The following C16orf74 variants were observed in gnomAD, a reference collection of about 807,000 sequenced individuals.
The protein encoded by C16orf74 is uncharacterized protein C16orf74.
C16orf74 carries 10 observed loss-of-function variants against 6.5 expected under a neutral mutation model. The observed-to-expected ratio is 1.54, with a 90% CI of 0.95 to 2.61. The LOEUF is 2.61. Among genes scored for constraint, C16orf74 ranks in the 30% most tolerant of loss-of-function variants. C16orf74 has a pLI of 0.00. For missense variants in C16orf74, 141 were observed against 105.9 expected, an observed-to-expected ratio of 1.33 and a Z score of -1.45; for synonymous variants, 60 against 42.5, an observed-to-expected ratio of 1.41 and a Z score of -1.60.
At chr16:85,742,537 C>A (rs961425623) in intron 1 of C16orf74, among the ~76,000 whole-genome samples, 2 of 152,154 alleles carry the variant, frequency 1.3e-5, no homozygotes, top group Admixed American at 1.3e-4. Flanking sequence ...GAACTGTGAG[C>A]CAAATGAAAC....
At position 85,708,084 on chromosome 16, in the gene C16orf74, T is replaced by C. The variant is rs1567800268; in HGVS notation, c.173-18A>G. On this transcript the variant is annotated intron_variant, in intron 3 of 3. Transcript: ENST00000284245. Reference sequence around the variant, plus strand: ...CAGCCAGACTAGGAGAAAGAGGGGATGGACACCTGGATGCACCCTGCCCCC... The same window carrying C: ...CAGCCAGACTAGGAGAAAGAGGGGACGGACACCTGGATGCACCCTGCCCCC... 14 of 1,549,550 alleles carry C rather than the reference T, an allele frequency of 9.0e-6. No individual in the cohort carries two copies. The highest frequency in any genetic ancestry group is 2.0e-5 in the Admixed American group (1 of 51,136).
chr16:85,716,380 A>C (rs2054023908), intron 2 of C16orf74, among the ~76,000 whole-genome samples: 1 of 101,486 alleles, frequency 9.9e-6, no homozygotes, highest in African/African-American at 3.9e-5. Flanking sequence ...GAAGGAGGAG[A>C]GAGGAGAGGA....
chr16:85,734,464 C>T (rs2054222731), intron 2 of C16orf74, among the ~76,000 whole-genome samples: 1 of 152,102 alleles, frequency 6.6e-6, no homozygotes, highest in African/African-American at 2.4e-5. Context: ...GGTAGGTGGC[C>T]CCGGGGCAGG....
intron 1 of C16orf74, among the ~76,000 whole-genome samples, chr16:85,747,567 T>G (rs969106100): frequency 6.6e-6 from 1 of 152,146 alleles, no homozygotes; most frequent in Non-Finnish European, 1.5e-5. Flanking sequence ...TGAAGGTCTC[T>G]TTCTTGACCT....
chr16:85,746,970 G>T (rs539420492), intron 1 of C16orf74, among the ~76,000 whole-genome samples: 165 of 152,262 alleles, frequency 1.1e-3, no homozygotes, highest in African/African-American at 3.8e-3. Flanking sequence ...GTCCTGCGGG[G>T]ACAGTGAGTC....
intron 3 of C16orf74, 69 bp downstream of exon 3, chr16:85,710,095 G>T: frequency 7.7e-7 from 1 of 1,302,316 alleles, no homozygotes. Context: ...CAGGAAGGAC[G>T]CCCCTGAGAG....
chr16:85,708,816 T>G (rs144706972), intron 3 of C16orf74, among the ~76,000 whole-genome samples: 6 of 152,242 alleles, frequency 3.9e-5, no homozygotes, highest in African/African-American at 1.4e-4. Flanking sequence ...GAAGGGTCTA[T>G]GGATTCCCCC....
At chr16:85,723,769 G>A (rs1196996161) in intron 2 of C16orf74, among the ~76,000 whole-genome samples, 3 of 152,232 alleles carry the variant, frequency 2.0e-5, no homozygotes, top group Non-Finnish European at 4.4e-5. Context: ...TGTGGGAAAG[G>A]GTGGGCAGTA....
At chr16:85,748,687 C>T (rs1263226317) in intron 1 of C16orf74, among the ~76,000 whole-genome samples, 2 of 152,150 alleles carry the variant, frequency 1.3e-5, no homozygotes, top group South Asian at 2.1e-4. Context: ...AGGAGTTTGG[C>T]TTGAGAGAGA....
intron 3 of C16orf74, 146 bp from the exon 4 acceptor site, chr16:85,708,212 T>C (rs561811899): frequency 2.4e-4 from 167 of 688,582 alleles, no homozygotes; most frequent in Non-Finnish European, 3.9e-4. Flanking sequence ...AGCCCAGTGA[T>C]GCTGGATCCT....
intron 1 of C16orf74, among the ~76,000 whole-genome samples, chr16:85,739,938 A>G (rs929364855): frequency 2.0e-5 from 3 of 151,702 alleles, no homozygotes; most frequent in Admixed American, 1.3e-4. Flanking sequence ...GGCCGGGCGC[A>G]GTGGCTCATG....
chr16:85,713,138 G>T (rs1039413799), intron 2 of C16orf74, among the ~76,000 whole-genome samples: 4 of 152,180 alleles, frequency 2.6e-5, no homozygotes, highest in African/African-American at 7.2e-5. Context: ...CTGCAAGGGA[G>T]ACTGTTCCAA....
chr16:85,732,429 G>A (rs944459127), intron 2 of C16orf74, among the ~76,000 whole-genome samples: 4 of 152,088 alleles, frequency 2.6e-5, no homozygotes, highest in African/African-American at 9.7e-5. Flanking sequence ...ACTTTGGGAG[G>A]CTGAGGCAGG....
At chr16:85,713,131 C>T (rs1314865595) in intron 2 of C16orf74, among the ~76,000 whole-genome samples, 1 of 152,192 alleles carries the variant, frequency 6.6e-6, no homozygotes, top group Non-Finnish European at 1.5e-5. Flanking sequence ...CTGGAGGCTG[C>T]AAGGGAGACT....
chr16:85,718,798 T>C (rs1406780574), intron 2 of C16orf74, among the ~76,000 whole-genome samples: 1 of 152,232 alleles, frequency 6.6e-6, no homozygotes, highest in Non-Finnish European at 1.5e-5. Flanking sequence ...CATCACGTGA[T>C]TTGAACTGCA....
rs888887669 is a variant in C16orf74, at chr16:85,707,836, T to A, written c.*172A>T. 5 of 607,682 alleles carry A rather than the reference T, an allele frequency of 8.2e-6. No homozygotes were observed. Among genetic ancestry groups the A allele is most frequent in the Admixed American group, 5.8e-5 (2 of 34,768 alleles). The allele number at this position is 607,682 out of a possible 1,614,324, so 37.6% of individuals were successfully genotyped here. ...GGCCTGGGAAACACTGTTCTGGAAG[T>A]GGACAGGCTGGATTCCTCGCTGGTC... On this transcript the variant is annotated 3_prime_UTR_variant, in exon 4 of 4. Coordinates refer to ENST00000284245, the MANE Select transcript of C16orf74 (RefSeq NM_206967.3).
chr16:85,723,141 T>A (rs1310377711), intron 2 of C16orf74, among the ~76,000 whole-genome samples: 1 of 151,280 alleles, frequency 6.6e-6, no homozygotes, highest in Admixed American at 6.6e-5. Context: ...ATGCCTGTAA[T>A]CCCAGCTACT....
intron 2 of C16orf74, among the ~76,000 whole-genome samples, chr16:85,727,266 G>A (rs189953393): frequency 6.6e-6 from 1 of 152,212 alleles, no homozygotes; most frequent in African/African-American, 2.4e-5. Context: ...GGGGCTAGAC[G>A]CAAGCCTCTG....
At chr16:85,711,838 A>C (rs1210949238) in intron 2 of C16orf74, among the ~76,000 whole-genome samples, 1 of 152,140 alleles carries the variant, frequency 6.6e-6, no homozygotes, top group African/African-American at 2.4e-5. Flanking sequence ...TACTGTTCTC[A>C]GGCCTCCCTT....
Sources: gnomAD v4.1 joint callset for allele counts (sites outside exome capture counted in the v4.1 genomes callset) on GRCh38, gnomAD v4.1.1 for gene constraint, MANE v1.5 for transcripts, NCBI Gene and HGNC (gene_info 2026-07-23, HGNC 2026-07-21) for gene names.